Variants in PAK5 observed in about 807,000 individuals in gnomAD.
PAK5 encodes the protein p21 (RAC1) activated kinase 5, also known as serine/threonine-protein kinase PAK 5.
Under a neutral mutation model 65.9 loss-of-function variants are expected in PAK5, and 16 were observed. The observed-to-expected ratio is 0.24, with a 90% confidence interval of 0.16 to 0.37. The LOEUF is 0.37. Among genes scored for constraint, PAK5 ranks in the 10% least tolerant of loss-of-function variants. PAK5 has a pLI of 1.00. For synonymous variants in PAK5, 371 were observed against 354.9 expected, an observed-to-expected ratio of 1.05 and a Z score of -0.51; for missense variants, 785 against 903.9, an observed-to-expected ratio of 0.87 and a Z score of 1.69.
chr20:9,717,923 A>T (rs947123245), intron 1 of PAK5, among the ~76,000 whole-genome samples: 1 of 152,126 alleles, frequency 6.6e-6, no homozygotes, highest in Non-Finnish European at 1.5e-5. Flanking sequence ...CTCGGCCGCC[A>T]TTTTGTACTT....
intron 1 of PAK5, among the ~76,000 whole-genome samples, chr20:9,746,983 TA>T (rs1569070775): frequency 3.3e-5 from 5 of 151,588 alleles, no homozygotes; most frequent in Middle Eastern, 3.2e-3. Context: ...ATAGACGCAA[TA>T]AAAAATGGTA....
intron 6 of PAK5, among the ~76,000 whole-genome samples, chr20:9,560,835 T>C (rs761212877): frequency 2.6e-5 from 4 of 152,228 alleles, no homozygotes; most frequent in Admixed American, 6.5e-5. Context: ...TAGAAGGATC[T>C]GACGTAACAA....
intron 1 of PAK5, among the ~76,000 whole-genome samples, chr20:9,730,060 T>G (rs2123550559): frequency 6.9e-6 from 1 of 145,912 alleles, no homozygotes; most frequent in Non-Finnish European, 1.5e-5. Flanking sequence ...AAAAGAGAAT[T>G]AGAATTTTTC....
At chr20:9,756,041 G>T (rs1007179726) in intron 1 of PAK5, among the ~76,000 whole-genome samples, 10 of 152,078 alleles carry the variant, frequency 6.6e-5, no homozygotes, top group African/African-American at 2.4e-4. Flanking sequence ...GGCCTGTGCT[G>T]GCCCACAGGA....
intron 2 of PAK5, among the ~76,000 whole-genome samples, chr20:9,651,743 C>T (rs554229399): frequency 3.1e-4 from 47 of 151,952 alleles, no homozygotes; most frequent in African/African-American, 7.2e-4. Flanking sequence ...ATACTGAAGA[C>T]GGGGTGGGGC....
chr20:9,700,049 T>C (rs1166001027), intron 2 of PAK5, among the ~76,000 whole-genome samples: 1 of 152,144 alleles, frequency 6.6e-6, no homozygotes, highest in Non-Finnish European at 1.5e-5. Context: ...CACACATACA[T>C]ACATTTTTGG....
intron 3 of PAK5, among the ~76,000 whole-genome samples, chr20:9,597,657 G>A (rs117956153): frequency 4.6e-5 from 7 of 152,342 alleles, no homozygotes; most frequent in Non-Finnish European, 1.0e-4. Context: ...TTTGGGTTTA[G>A]CTCTGGCCAA....
rs147627144 is a variant in PAK5, at chr20:9,798,116, C to T, written c.-162+40646G>A. On this transcript the variant is annotated intron_variant, in intron 1 of 9. Coordinates refer to ENST00000353224, the MANE Select transcript of PAK5 (RefSeq NM_177990.4). The stretch of plus-strand genomic sequence containing the variant: ...TCCAAAGGAAAATCTACTTCAGTGG[C>T]AATGTGGGGGCCAAAACAAGATTGG... 6.6e-3 allele frequency among the ~76,000 whole-genome samples: 1,000 copies of T among 152,124 alleles called. 12 individuals are homozygous for T. Among genetic ancestry groups the T allele is most frequent in the African/African-American group, 0.023 (952 of 41,532 alleles).
chr20:9,632,539 G>T (rs1007587956), intron 3 of PAK5, among the ~76,000 whole-genome samples: 17 of 152,162 alleles, frequency 1.1e-4, no homozygotes, highest in African/African-American at 3.9e-4. Flanking sequence ...AAAAAATAAA[G>T]TCATATGGCA....
intron 1 of PAK5, among the ~76,000 whole-genome samples, chr20:9,751,015 G>T (rs758889345): frequency 1.3e-5 from 2 of 152,126 alleles, no homozygotes; most frequent in African/African-American, 2.4e-5. Context: ...AGTTCTCCCA[G>T]CTAGAAAAGA....
intron 3 of PAK5, among the ~76,000 whole-genome samples, chr20:9,643,598 G>A (rs2047096086): frequency 6.6e-6 from 1 of 151,952 alleles, no homozygotes; most frequent in Non-Finnish European, 1.5e-5. Flanking sequence ...ATGTTTGTGT[G>A]TATATATACA....
intron 3 of PAK5, among the ~76,000 whole-genome samples, chr20:9,631,594 G>A (rs1170727830): frequency 6.6e-6 from 1 of 152,170 alleles, no homozygotes; most frequent in African/African-American, 2.4e-5. Flanking sequence ...TTGCAGCCTT[G>A]TGAAACCTTG....
At chr20:9,639,503 TG>T in intron 3 of PAK5, among the ~76,000 whole-genome samples, 1 of 152,240 alleles carries the variant, frequency 6.6e-6, no homozygotes, top group Non-Finnish European at 1.5e-5. Context: ...ATCTTGTTTT[TG>T]TCACTCCTTG....
intron 2 of PAK5, among the ~76,000 whole-genome samples, chr20:9,665,688 C>T (rs1282568809): frequency 1.3e-5 from 2 of 149,520 alleles, no homozygotes; most frequent in South Asian, 2.1e-4. Context: ...GATGGGGTCT[C>T]GTTATGTTGT....
At chr20:9,577,076 G>A (rs557331216) in intron 4 of PAK5, among the ~76,000 whole-genome samples, 1 of 152,324 alleles carries the variant, frequency 6.6e-6, no homozygotes, top group East Asian at 1.9e-4. Context: ...GTCTGCAGGC[G>A]AGGGTGGAAA....
In PAK5 at chr20:9,665,085, G is replaced by GTTTTTTTTTTTTTTTTTTTTTTTTTTTT. The variant is rs754435525; in HGVS notation, c.-11-20747_-11-20746insAAAAAAAAAAAAAAAAAAAAAAAAAAAA. ...CCACCATGCCCAGCTAAATTTTTCT[G>GTTTTTTTTTTTTTTTTTTTTTTTTTTTT]TTTTTTTTTTTTTTTGTAGTGATGA... is the stretch of plus-strand genomic sequence containing the variant. On this transcript the variant is annotated intron_variant, in intron 2 of 9. Coordinates refer to ENST00000353224, the MANE Select transcript of PAK5 (RefSeq NM_177990.4). Among the ~76,000 whole-genome samples the GTTTTTTTTTTTTTTTTTTTTTTTTTTTT allele has an allele frequency of 5.1e-5, 5 of 98,890 alleles. 1 individual carries two copies. Among genetic ancestry groups the GTTTTTTTTTTTTTTTTTTTTTTTTTTTT allele is most frequent in the African/African-American group, 2.0e-4 (5 of 24,616 alleles). The allele number at this position is 98,890 out of a possible 152,430, so 64.9% of individuals were successfully genotyped here.
chr20:9,713,762 A>G (rs1038728101), intron 1 of PAK5, among the ~76,000 whole-genome samples: 1 of 152,130 alleles, frequency 6.6e-6, no homozygotes, highest in Non-Finnish European at 1.5e-5. Context: ...CAAGCCAGGC[A>G]AAGAAAATGT....
intron 1 of PAK5, among the ~76,000 whole-genome samples, chr20:9,824,847 A>G (rs1158473642): frequency 1.3e-5 from 2 of 152,168 alleles, no homozygotes; most frequent in Non-Finnish European, 2.9e-5. Flanking sequence ...CTATGTTCAC[A>G]GAAGAACATT....
chr20:9,545,262 G>C (rs2045326939), intron 7 of PAK5, among the ~76,000 whole-genome samples: 1 of 152,164 alleles, frequency 6.6e-6, no homozygotes. Context: ...TAGAGCTCAT[G>C]TACTCTTAAG....
Sources: gnomAD v4.1 joint callset for allele counts (sites outside exome capture counted in the v4.1 genomes callset) on GRCh38, gnomAD v4.1.1 for gene constraint, MANE v1.5 for transcripts, NCBI Gene and HGNC (gene_info 2026-07-23, HGNC 2026-07-21) for gene names.